Variants in ADAMTSL2 observed in about 807,000 individuals in gnomAD.
ADAMTSL2 encodes ADAMTS like 2, also known as ADAMTS-like protein 2.
In ADAMTSL2, 55 loss-of-function variants were observed where a neutral mutation model predicts 117.0. The ratio of observed to expected loss-of-function variants is 0.47; its 90% CI spans 0.38 to 0.59. The LOEUF (loss-of-function observed/expected upper bound fraction) is 0.59. Among genes scored for constraint, ADAMTSL2 ranks in the 20% least tolerant of loss-of-function variants. ADAMTSL2 has a pLI of 0.00. For missense variants in ADAMTSL2, 1,182 were observed against 1,354.5 expected (o/e 0.87, Z 2.00); for synonymous variants, 572 against 566.4 (o/e 1.01, Z -0.14).
intron 13 of ADAMTSL2, 128 bp downstream of exon 13, chr9:133,567,190 G>C: frequency 7.2e-6 from 9 of 1,245,188 alleles, no homozygotes; most frequent in Non-Finnish European, 1.0e-5. Flanking sequence ...GGGGCTCTTC[G>C]AGGAGGGGCA....
intron 12 of ADAMTSL2, 103 bp from the exon 13 acceptor site, chr9:133,566,833 G>A: frequency 6.8e-7 from 1 of 1,465,104 alleles, no homozygotes; most frequent in Admixed American, 2.0e-5. Flanking sequence ...AAGCCAGAAA[G>A]CTGAGCTGAG....
chr9:133,547,918 T>C (rs1166313238), intron 9 of ADAMTSL2, among the ~76,000 whole-genome samples: 1 of 152,170 alleles, frequency 6.6e-6, no homozygotes, highest in Admixed American at 6.5e-5. Flanking sequence ...ATGGCTAGCG[T>C]CTGGAAATGG....
chr9:133,534,806 C>G lies in ADAMTSL2; in HGVS notation c.-262C>G. On this transcript the variant is annotated 5_prime_UTR_variant, in exon 1 of 19. Coordinates refer to ENST00000651351, the MANE Select transcript of ADAMTSL2 (RefSeq NM_014694.4). ...AGGGGAAGGGGAGAGGGAGGCCGGG[C>G]CGCAGCCTCTGCACTCACGCCGCCC... 1 of 1,488,868 alleles carries G rather than the reference C, an allele frequency of 6.7e-7. No homozygotes were observed. Among genetic ancestry groups the G allele is most frequent in the South Asian group, 1.3e-5 (1 of 77,646 alleles). 92.2% of individuals were successfully genotyped at this position (1,488,868 alleles called of 1,614,324 possible).
Position 133,534,861 on chromosome 9 carries a change from G to A in ADAMTSL2, c.-207G>A. 1 of 1,488,508 alleles carries A rather than the reference G, an allele frequency of 6.7e-7. No individual in the cohort carries two copies. Among genetic ancestry groups the A allele is most frequent in the Non-Finnish European group, 9.0e-7 (1 of 1,114,628 alleles). 92.2% of individuals were successfully genotyped at this position (1,488,508 alleles called of 1,614,324 possible). A position where few individuals can be genotyped will look rare whatever the true frequency, so the allele number is the denominator to read the frequency against. ...ACGCACAGCGCACCTGGCGCCGTCT[G>A]CCCTCCGCAGCGCTCGCCCCTTTCT... On this transcript the variant is annotated 5_prime_UTR_variant, in exon 1 of 19. Coordinates refer to ENST00000651351, the MANE Select transcript of ADAMTSL2 (RefSeq NM_014694.4).
rs1284183666 is a variant in ADAMTSL2, at chr9:133,539,807, C to T, written c.346C>T (p.Gln116Ter). ...PPDGRSFREE[Q>*]CVSFNSHVYN... is the part of the protein sequence containing the mutation. ...GGACGGGAGGAGCTTCCGCGAGGAG[C>T]AGTGCGTCTCCTTCAACTCCCACGT... The change falls in exon 5 of 19, where the codon CAG becomes TAG. Residue 116 changes from glutamine (Q) to a stop codon, truncating the protein, a stop_gained. Coordinates refer to ENST00000651351, the MANE Select transcript of ADAMTSL2 (RefSeq NM_014694.4). LOFTEE classifies it high-confidence loss of function. 1 of 1,551,086 alleles carries T rather than the reference C, an allele frequency of 6.4e-7. No individual in the cohort carries two copies. The highest frequency in any genetic ancestry group is 8.7e-7 in the Non-Finnish European group (1 of 1,147,000).
intron 12 of ADAMTSL2, among the ~76,000 whole-genome samples, chr9:133,565,628 A>G (rs1429838078): frequency 6.6e-6 from 1 of 152,092 alleles, no homozygotes; most frequent in East Asian, 1.9e-4. Context: ...AAAAGAAAAA[A>G]TCCCCTTGTC....
intron 1 of ADAMTSL2, among the ~76,000 whole-genome samples, chr9:133,535,725 T>C (rs1830035313): frequency 6.6e-6 from 1 of 152,208 alleles, no homozygotes. Flanking sequence ...GAGTGCAGGC[T>C]GCGTGGTTTC....
intron 11 of ADAMTSL2, among the ~76,000 whole-genome samples, chr9:133,559,055 G>C (rs1373227971): frequency 1.3e-5 from 2 of 152,210 alleles, no homozygotes; most frequent in African/African-American, 4.8e-5. Context: ...ATTAGATAAA[G>C]ATGGCGGAGC....
At chr9:133,538,770 A>G (rs1229177748) in intron 4 of ADAMTSL2, among the ~76,000 whole-genome samples, 1 of 152,170 alleles carries the variant, frequency 6.6e-6, no homozygotes, top group East Asian at 1.9e-4. Flanking sequence ...ACAGAGACCC[A>G]GCAGTTGCCA....
At chr9:133,556,959 G>A (rs1366703152) in intron 11 of ADAMTSL2, among the ~76,000 whole-genome samples, 1 of 152,220 alleles carries the variant, frequency 6.6e-6, no homozygotes, top group Non-Finnish European at 1.5e-5. Flanking sequence ...TAAACAGGCA[G>A]TGAGTGGGGG....
At chr9:133,543,937 C>T (rs1318202987) in intron 7 of ADAMTSL2, among the ~76,000 whole-genome samples, 1 of 152,230 alleles carries the variant, frequency 6.6e-6, no homozygotes, top group Admixed American at 6.5e-5. Flanking sequence ...ATTGCCCGAT[C>T]TGGATCTCAG....
At position 133,551,812 on chromosome 9, in the gene ADAMTSL2, C is replaced by CTTT. The variant is rs56225051; in HGVS notation, c.940-2521_940-2519dup. Among the ~76,000 whole-genome samples, 60 of 111,086 alleles carry CTTT rather than the reference C, an allele frequency of 5.4e-4. 3 individuals are homozygous for CTTT. Among genetic ancestry groups the CTTT allele is most frequent in the African/African-American group, 1.4e-3 (37 of 26,110 alleles). The allele number at this position is 111,086 out of a possible 152,430, so 72.9% of individuals were successfully genotyped here. A position where few individuals can be genotyped will look rare whatever the true frequency, so the allele number is the denominator to read the frequency against. On this transcript the variant is annotated intron_variant, in intron 9 of 18. Transcript: ENST00000651351. ...CTCAGGATCCCACCCAAAGCAGCAG[C>CTTT]TTTTTTTTTTTTTTTTTTTTTTTTT... is the stretch of plus-strand genomic sequence containing the variant.
rs922156352 is a variant in ADAMTSL2, at chr9:133,558,633, C to T, written c.1650-2565C>T. On this transcript the variant is annotated intron_variant, in intron 11 of 18. Transcript: ENST00000651351. The surrounding 1 kb of genome is among the most constrained non-coding windows in gnomAD (Gnocchi z 4.3). ...GGGAGCCCGTGAGCCTGTGTCTGGC[C>T]GGGCATCTGGGCGAAGGACCCTGAG... 2.6e-5 allele frequency among the ~76,000 whole-genome samples: 4 copies of T among 152,174 alleles called. No homozygotes were observed. The highest frequency in any genetic ancestry group is 6.5e-5 in the Admixed American group (1 of 15,280).
Position 133,561,286 on chromosome 9 carries a change from T to A in ADAMTSL2, c.1738T>A (p.Cys580Ser). The part of the protein sequence containing the change: ...LSSHEPCSAT[C>S]TTGVMSAYAM... Reference sequence around the variant, plus strand: ...GTCCCACGAGCCCTGCAGTGCCACCTGCACCACAGGTACTGGTCACGGGTG... The same window carrying A: ...GTCCCACGAGCCCTGCAGTGCCACCAGCACCACAGGTACTGGTCACGGGTG... The change falls in exon 12 of 19, where the codon TGC (cysteine) becomes AGC (serine). Residue 580 changes from cysteine (C) to serine (S), a missense_variant. Transcript: ENST00000651351. 1 of 1,595,492 alleles carries A rather than the reference T, an allele frequency of 6.3e-7. No individual in the cohort carries two copies. The highest frequency in any genetic ancestry group is 8.5e-7 in the Non-Finnish European group (1 of 1,171,132).
In ADAMTSL2 at chr9:133,565,096, G is replaced by A. The variant is rs527511265; in HGVS notation, c.1748-1840G>A. Among the ~76,000 whole-genome samples the A allele has an allele frequency of 1.8e-3, 270 of 152,268 alleles. 2 individuals are homozygous for A. Among genetic ancestry groups the A allele is most frequent in the Middle Eastern group, 0.01 (3 of 294 alleles). ...CTGCCCTTCGGCGCTCCAGGGCACC[G>A]TGGTGAGGACAGTGGATCCTGCGGC... On this transcript the variant is annotated intron_variant, in intron 12 of 18. Coordinates refer to ENST00000651351, the MANE Select transcript of ADAMTSL2 (RefSeq NM_014694.4).
chr9:133,560,422 C>A (rs531182466), intron 11 of ADAMTSL2, among the ~76,000 whole-genome samples: 1 of 152,236 alleles, frequency 6.6e-6, no homozygotes, highest in East Asian at 1.9e-4. Context: ...GAGCTGCTGC[C>A]GCCTCTGCTT....
chr9:133,538,198 G>A (rs1358148901), intron 3 of ADAMTSL2, 151 bp from the exon 4 acceptor site: 2 of 843,822 alleles, frequency 2.4e-6, no homozygotes, highest in Non-Finnish European at 4.1e-6. Context: ...GCTCTGGTGT[G>A]TGTACGGGGT....
At chr9:133,534,622 G>C (rs1351679290), upstream of ADAMTSL2, 2 of 1,280,046 alleles carry the variant, frequency 1.6e-6, no homozygotes, top group Non-Finnish European at 2.0e-6. Context: ...GGCGCGGGCG[G>C]GGGAGCGGCC....
intron 9 of ADAMTSL2, among the ~76,000 whole-genome samples, chr9:133,552,148 C>T (rs948970708): frequency 7.9e-5 from 12 of 152,176 alleles, no homozygotes; most frequent in African/African-American, 2.7e-4. Context: ...TTTAATGTCA[C>T]CCAGCAGATG....
Sources: gnomAD v4.1 joint callset for allele counts (sites outside exome capture counted in the v4.1 genomes callset) on GRCh38, gnomAD v4.1.1 for gene constraint, Gnocchi (gnomAD v3.1) non-coding constraint, MANE v1.5 for transcripts, NCBI Gene and HGNC (gene_info 2026-07-23, HGNC 2026-07-21) for gene names.